Variants in LAMA2 observed in about 807,000 individuals in gnomAD.
LAMA2 encodes laminin subunit alpha 2.
A neutral mutation model predicts 364.8 loss-of-function variants in LAMA2; 269 were observed. The observed-to-expected ratio is 0.74, with a 90% confidence interval of 0.67 to 0.82. The LOEUF (loss-of-function observed/expected upper bound fraction) is 0.82, where lower values mean the gene tolerates loss of function less well. Among genes scored for constraint, LAMA2 ranks in the 40% least tolerant of loss-of-function variants. LAMA2 has a pLI of 0.00. For synonymous variants in LAMA2, 1,379 were observed against 1,370.6 expected, an observed-to-expected ratio of 1.01 and a Z score of -0.14; for missense variants, 3,807 against 3,873.2, an observed-to-expected ratio of 0.98 and a Z score of 0.45.
chr6:129,045,991 C>T (rs1582932134), intron 1 of LAMA2, among the ~76,000 whole-genome samples: 1 of 152,180 alleles, frequency 6.6e-6, no homozygotes, highest in Non-Finnish European at 1.5e-5. Flanking sequence ...AATGTTAGCA[C>T]CTGCCTGAGA....
intron 32 of LAMA2, among the ~76,000 whole-genome samples, chr6:129,363,834 G>A: frequency 6.6e-6 from 1 of 152,162 alleles, no homozygotes; most frequent in East Asian, 1.9e-4. Context: ...CAGTCAATTT[G>A]GCACTTAACT....
chr6:129,047,928 A>G (rs141966413), intron 1 of LAMA2, among the ~76,000 whole-genome samples: 3 of 152,292 alleles, frequency 2.0e-5, no homozygotes, highest in African/African-American at 7.2e-5. Flanking sequence ...AACATTGTAG[A>G]TGCCATTCAG....
chr6:129,424,368 C>A (rs950014299), intron 40 of LAMA2, among the ~76,000 whole-genome samples: 1 of 150,300 alleles, frequency 6.7e-6, no homozygotes, highest in Admixed American at 6.6e-5. Context: ...ACAAAATTAA[C>A]AACTTAAATT....
intron 1 of LAMA2, among the ~76,000 whole-genome samples, chr6:128,980,503 T>A (rs76389489): frequency 0.021 from 3,167 of 152,284 alleles, 45 homozygotes; most frequent in Middle Eastern, 0.031. Context: ...AATAAATCAC[T>A]TTTTTGTGTG....
At chr6:128,960,366 C>T (rs1179884268) in intron 1 of LAMA2, among the ~76,000 whole-genome samples, 232 of 121,206 alleles carry the variant, frequency 1.9e-3, no homozygotes, top group African/African-American at 7.1e-3. Context: ...GAGACAAAGT[C>T]TCGCTCTTGT....
At chr6:129,078,674 CA>C (rs985977816) in intron 3 of LAMA2, among the ~76,000 whole-genome samples, 4 of 151,970 alleles carry the variant, frequency 2.6e-5, no homozygotes, top group Admixed American at 1.3e-4. Flanking sequence ...ACATAACAAA[CA>C]ATTTTTTATC....
intron 31 of LAMA2, among the ~76,000 whole-genome samples, chr6:129,349,608 T>C (rs1344753447): frequency 3.3e-5 from 5 of 151,772 alleles, no homozygotes; most frequent in Non-Finnish European, 7.4e-5. Flanking sequence ...TCCAAACTAT[T>C]TACAATTATC....
chr6:129,076,666 T>G (rs1038290539), intron 3 of LAMA2, among the ~76,000 whole-genome samples: 23 of 151,456 alleles, frequency 1.5e-4, no homozygotes, highest in Admixed American at 5.3e-4. Flanking sequence ...ATTAAGGAAA[T>G]AGCCAATAAA....
intron 3 of LAMA2, among the ~76,000 whole-genome samples, chr6:129,077,728 C>T (rs1260312121): frequency 6.6e-6 from 1 of 152,166 alleles, no homozygotes; most frequent in East Asian, 1.9e-4. Flanking sequence ...ACTGAAATAG[C>T]TCCTACTTCT....
intron 1 of LAMA2, among the ~76,000 whole-genome samples, chr6:129,044,931 G>T (rs1787368838): frequency 6.6e-6 from 1 of 152,010 alleles, no homozygotes; most frequent in Admixed American, 6.5e-5. Context: ...ATATTGCCCT[G>T]GTGCTTTTGA....
intron 2 of LAMA2, among the ~76,000 whole-genome samples, 172 bp from the exon 3 acceptor site, chr6:129,059,612 T>C (rs1398668264): frequency 2.6e-5 from 4 of 152,234 alleles, no homozygotes; most frequent in Non-Finnish European, 5.9e-5. Context: ...GAGACAGCTG[T>C]CATTGAAGAA....
chr6:129,274,483 T>C (rs1253078412), intron 17 of LAMA2, among the ~76,000 whole-genome samples: 1 of 151,916 alleles, frequency 6.6e-6, no homozygotes, highest in Non-Finnish European at 1.5e-5. Context: ...TAGTGATAGT[T>C]TTACCTTGGT....
chr6:128,931,875 A>C (rs1779504535), intron 1 of LAMA2, among the ~76,000 whole-genome samples: 1 of 152,204 alleles, frequency 6.6e-6, no homozygotes, highest in Non-Finnish European at 1.5e-5. Flanking sequence ...CTGTTATTGT[A>C]AAATCTGTTC....
intron 12 of LAMA2, among the ~76,000 whole-genome samples, chr6:129,231,751 T>A (rs555843708): frequency 6.6e-6 from 1 of 152,262 alleles, no homozygotes; most frequent in South Asian, 2.1e-4. Flanking sequence ...TGAATTTTTT[T>A]AAATAAAAAC....
chr6:129,222,497 C>G, intron 12 of LAMA2, among the ~76,000 whole-genome samples: 1 of 117,588 alleles, frequency 8.5e-6, no homozygotes, highest in Non-Finnish European at 1.7e-5. Flanking sequence ...CCCCCCTCCC[C>G]CCACCCTACG....
intron 3 of LAMA2, among the ~76,000 whole-genome samples, chr6:129,093,050 C>T (rs1291277782): frequency 2.0e-5 from 3 of 151,322 alleles, no homozygotes; most frequent in African/African-American, 4.9e-5. Context: ...GGTGTGATCT[C>T]GGCTCACTGC....
At chr6:129,514,635 TTA>T (rs1188984435) in intron 64 of LAMA2, 40 bp downstream of exon 64, 1 of 1,466,418 alleles carries the variant, frequency 6.8e-7, no homozygotes, top group East Asian at 2.3e-5. Context: ...CTTTGCTCTC[TTA>T]TGTTACTGGT....
intron 16 of LAMA2, among the ~76,000 whole-genome samples, chr6:129,268,743 G>A (rs1024616913): frequency 1.3e-5 from 2 of 151,986 alleles, no homozygotes; most frequent in Admixed American, 6.6e-5. Context: ...ATAACAGAGC[G>A]ATCTTGAGGA....
chr6:128,933,230 CTGTGTGTGTGTGTGTG>C (rs71028134), intron 1 of LAMA2, among the ~76,000 whole-genome samples: 3,340 of 146,280 alleles, frequency 0.023, 123 homozygotes, highest in African/African-American at 0.076. Context: ...CCCTCTCTTT[CTGTGTGTGTGTGTGTG>C]TGTGTGTGTG....
Sources: allele counts gnomAD v4.1 joint callset (sites outside exome capture counted in the v4.1 genomes callset), GRCh38; gene constraint gnomAD v4.1.1; transcripts MANE v1.5; gene names NCBI Gene and HGNC (gene_info 2026-07-23, HGNC 2026-07-21).